LRP1B: variants seen among roughly 807,000 people sequenced by gnomAD.
LRP1B encodes the protein low-density lipoprotein receptor-related protein 1B.
In LRP1B, 217 loss-of-function variants were observed where a neutral mutation model predicts 556.6. The ratio of observed to expected loss-of-function variants is 0.39; its 90% CI spans 0.35 to 0.44. The LOEUF (loss-of-function observed/expected upper bound fraction) is 0.44, where lower values mean the gene tolerates loss of function less well. Ranked by LOEUF, LRP1B falls within the 20% of genes least tolerant of loss-of-function variation. The probability of loss-of-function intolerance (pLI) is 1.00; values close to 1 mark genes in which losing one functional copy is unlikely to be tolerated. For synonymous variants in LRP1B, 2,047 were observed against 1,865.8 expected, an observed-to-expected ratio of 1.10 and a Z score of -2.50; for missense variants, 5,053 against 5,620.8, an observed-to-expected ratio of 0.90 and a Z score of 3.23.
At chr2:141,660,042 G>A (rs1690153838) in intron 2 of LRP1B, among the ~76,000 whole-genome samples, 1 of 152,066 alleles carries the variant, frequency 6.6e-6, no homozygotes, top group Admixed American at 6.5e-5. Flanking sequence ...GGGGCCAAAA[G>A]GGCCAACGAG....
At chr2:141,477,147 A>C (rs1347863068) in intron 3 of LRP1B, among the ~76,000 whole-genome samples, 1 of 120,114 alleles carries the variant, frequency 8.3e-6, no homozygotes, top group Non-Finnish European at 1.9e-5. Flanking sequence ...CAAACAAAAA[A>C]AACCCCAAAA....
chr2:141,312,248 C>T (rs1188004941), intron 3 of LRP1B, among the ~76,000 whole-genome samples: 1 of 152,076 alleles, frequency 6.6e-6, no homozygotes, highest in East Asian at 1.9e-4. Context: ...CCTCATTTTC[C>T]TCCTCTTCTT....
At chr2:141,491,577 T>C (rs1313962899) in intron 2 of LRP1B, among the ~76,000 whole-genome samples, 3 of 152,102 alleles carry the variant, frequency 2.0e-5, no homozygotes, top group Non-Finnish European at 4.4e-5. Flanking sequence ...GATAACTCCC[T>C]GGGAGGAGGC....
At chr2:141,605,158 A>G (rs137870835) in intron 2 of LRP1B, among the ~76,000 whole-genome samples, 1 of 152,222 alleles carries the variant, frequency 6.6e-6, no homozygotes, top group Middle Eastern at 3.4e-3. Context: ...TTGGCAAACA[A>G]AAGAGGACTA....
At chr2:140,962,339 CCT>C (rs1016993623) in intron 18 of LRP1B, among the ~76,000 whole-genome samples, 3 of 152,060 alleles carry the variant, frequency 2.0e-5, no homozygotes, top group African/African-American at 7.2e-5. Flanking sequence ...GCCTTTTTCC[CCT>C]GAGACCCAGT....
intron 2 of LRP1B, among the ~76,000 whole-genome samples, chr2:141,598,058 T>C (rs1041161480): frequency 1.3e-5 from 2 of 148,240 alleles, no homozygotes; most frequent in Non-Finnish European, 3.0e-5. Flanking sequence ...TCACGGGAAA[T>C]TTACAAAATT....
chr2:140,445,935 A>G (rs1686639874), intron 63 of LRP1B, among the ~76,000 whole-genome samples: 1 of 152,130 alleles, frequency 6.6e-6, no homozygotes. Context: ...ATCAAACACT[A>G]ATAAATAGCA....
chr2:141,113,499 A>C (rs970294170), intron 7 of LRP1B, among the ~76,000 whole-genome samples: 1 of 152,134 alleles, frequency 6.6e-6, no homozygotes, highest in South Asian at 2.1e-4. Flanking sequence ...TCTTTTCTTA[A>C]AGTTTGTACA....
chr2:141,664,621 T>A (rs2105401506), intron 2 of LRP1B, among the ~76,000 whole-genome samples: 1 of 151,988 alleles, frequency 6.6e-6, no homozygotes, highest in Non-Finnish European at 1.5e-5. Flanking sequence ...GCAAAGAGAA[T>A]AAAATACCTA....
At chr2:141,744,123 A>G (rs981631768) in intron 2 of LRP1B, among the ~76,000 whole-genome samples, 1 of 152,002 alleles carries the variant, frequency 6.6e-6, no homozygotes, top group African/African-American at 2.4e-5. Context: ...TTTAGGCACC[A>G]TAGCCATAAA....
intron 49 of LRP1B, 142 bp downstream of exon 49, chr2:140,525,702 A>T: frequency 5.9e-6 from 4 of 680,792 alleles, no homozygotes; most frequent in Non-Finnish European, 9.6e-6. Flanking sequence ...AGAACAGGTT[A>T]ATTACATTTC....
chr2:141,614,098 A>G (rs1207989427), intron 2 of LRP1B, among the ~76,000 whole-genome samples: 4 of 150,746 alleles, frequency 2.7e-5, no homozygotes, highest in African/African-American at 9.8e-5. Context: ...AAAAAAAAAA[A>G]AAAGAAAGAA....
At chr2:141,522,615 G>A (rs775394783) in intron 2 of LRP1B, among the ~76,000 whole-genome samples, 4 of 152,072 alleles carry the variant, frequency 2.6e-5, no homozygotes, top group South Asian at 2.1e-4. Flanking sequence ...AGTCAGACTC[G>A]GGGAGATCTT....
intron 7 of LRP1B, among the ~76,000 whole-genome samples, chr2:141,099,696 T>C (rs975137265): frequency 7.2e-5 from 11 of 152,132 alleles, no homozygotes; most frequent in African/African-American, 2.7e-4. Flanking sequence ...CAACAACAAA[T>C]GAAAACTAAG....
intron 7 of LRP1B, among the ~76,000 whole-genome samples, chr2:141,142,613 G>A (rs1258909845): frequency 1.3e-5 from 2 of 152,116 alleles, no homozygotes; most frequent in Admixed American, 1.3e-4. Context: ...ATATTCCAAT[G>A]AGTTGAGGCT....
intron 41 of LRP1B, among the ~76,000 whole-genome samples, chr2:140,662,191 T>TAC (rs1158785043): frequency 6.6e-6 from 1 of 151,922 alleles, no homozygotes; most frequent in Non-Finnish European, 1.5e-5. Context: ...GCTATATATA[T>TAC]ACTATTAAAA....
chr2:140,930,087 A>C (rs1451079829), intron 20 of LRP1B, among the ~76,000 whole-genome samples: 1 of 152,060 alleles, frequency 6.6e-6, no homozygotes, highest in Non-Finnish European at 1.5e-5. Flanking sequence ...ATGGTTCCCC[A>C]GAGTCCCAGT....
At chr2:141,920,195 A>G (rs780698514) in intron 1 of LRP1B, among the ~76,000 whole-genome samples, 13 of 145,534 alleles carry the variant, frequency 8.9e-5, no homozygotes, top group East Asian at 2.1e-4. Flanking sequence ...AAAATTATCT[A>G]TCAAAAACCT....
At chr2:141,129,456 A>C (rs1229228984) in intron 7 of LRP1B, among the ~76,000 whole-genome samples, 1 of 152,014 alleles carries the variant, frequency 6.6e-6, no homozygotes, top group Non-Finnish European at 1.5e-5. Flanking sequence ...AACATTTACT[A>C]TGAAGACTAT....
Sources: gnomAD v4.1 joint callset for allele counts (sites outside exome capture counted in the v4.1 genomes callset) on GRCh38, gnomAD v4.1.1 for gene constraint, MANE v1.5 for transcripts, NCBI Gene and HGNC (gene_info 2026-07-23, HGNC 2026-07-21) for gene names.